The following ADAM23 variants were observed in gnomAD, a reference collection of about 807,000 sequenced individuals.
ADAM23 encodes the protein ADAM metallopeptidase domain 23.
A neutral mutation model predicts 120.1 loss-of-function variants in ADAM23; 33 were observed. The observed-to-expected ratio is 0.27, with a 90% CI of 0.21 to 0.37. The LOEUF is 0.37. ADAM23 is among the 10% of genes least tolerant of loss of function. The pLI, the probability that ADAM23 is intolerant of heterozygous loss-of-function variation, is 1.00. For synonymous variants in ADAM23, 367 were observed against 375.2 expected (o/e 0.98, Z 0.25); for missense variants, 862 against 1,058.2 (o/e 0.81, Z 2.57).
chr2:206,582,791 G>A (rs1574548026), intron 18 of ADAM23, among the ~76,000 whole-genome samples: 1 of 152,150 alleles, frequency 6.6e-6, no homozygotes, highest in South Asian at 2.1e-4. Flanking sequence ...GTCTGAAAAC[G>A]ATTGTATCTT....
chr2:206,616,634 AAGGGTATCC>A (rs2105869943), intron 25 of ADAM23, among the ~76,000 whole-genome samples: 1 of 152,140 alleles, frequency 6.6e-6, no homozygotes, highest in African/African-American at 2.4e-5. Flanking sequence ...TAGGGCCTGT[AAGGGTATCC>A]AGCTGGCCCT....
chr2:206,497,676 T>C (rs530861743), intron 3 of ADAM23, among the ~76,000 whole-genome samples: 1 of 152,204 alleles, frequency 6.6e-6, no homozygotes, highest in Admixed American at 6.5e-5. Flanking sequence ...GAGAAGGGAA[T>C]AAAGGGCATT....
At chr2:206,468,614 T>C (rs1695589861) in intron 2 of ADAM23, among the ~76,000 whole-genome samples, 1 of 152,154 alleles carries the variant, frequency 6.6e-6, no homozygotes, top group Non-Finnish European at 1.5e-5. Flanking sequence ...TTCCAAATGT[T>C]CCCCCATCTT....
intron 2 of ADAM23, among the ~76,000 whole-genome samples, chr2:206,475,843 A>G (rs146509542): frequency 8.6e-5 from 13 of 151,970 alleles, no homozygotes; most frequent in Non-Finnish European, 1.2e-4. Flanking sequence ...TGGAGTGGAA[A>G]CTCTTGAAGG....
intron 17 of ADAM23, among the ~76,000 whole-genome samples, chr2:206,572,131 G>A (rs1211659685): frequency 6.6e-6 from 1 of 152,130 alleles, no homozygotes; most frequent in Non-Finnish European, 1.5e-5. Context: ...GACAATTTCT[G>A]TGGTCTTTTT....
chr2:206,499,558 G>T (rs1574499375), intron 3 of ADAM23, among the ~76,000 whole-genome samples: 2 of 151,556 alleles, frequency 1.3e-5, no homozygotes, highest in East Asian at 3.9e-4. Context: ...GTTAATGGGT[G>T]CAGCAAACCA....
At chr2:206,562,020 A>C (rs149704639) in intron 12 of ADAM23, among the ~76,000 whole-genome samples, 183 bp from the exon 13 acceptor site, 5 of 152,322 alleles carry the variant, frequency 3.3e-5, no homozygotes, top group Non-Finnish European at 7.4e-5. Flanking sequence ...ACATAGTAAG[A>C]GGGGCTTTCT....
At chr2:206,456,547 A>G (rs1447702873) in intron 2 of ADAM23, among the ~76,000 whole-genome samples, 1 of 152,160 alleles carries the variant, frequency 6.6e-6, no homozygotes, top group Non-Finnish European at 1.5e-5. Context: ...TCAACATGAT[A>G]TTTGCATGCA....
intron 3 of ADAM23, among the ~76,000 whole-genome samples, chr2:206,506,568 C>T (rs1292868469): frequency 6.6e-6 from 1 of 152,178 alleles, no homozygotes; most frequent in Admixed American, 6.5e-5. Flanking sequence ...CCTAGGTTCC[C>T]ACTGTTTGGT....
At chr2:206,537,763 C>T (rs1194723426) in intron 4 of ADAM23, among the ~76,000 whole-genome samples, 1 of 152,020 alleles carries the variant, frequency 6.6e-6, no homozygotes, top group African/African-American at 2.4e-5. Context: ...CTTTTACTTG[C>T]GTGTACACTA....
chr2:206,444,300 C>A (rs1359140114), intron 1 of ADAM23, among the ~76,000 whole-genome samples: 3 of 152,332 alleles, frequency 2.0e-5, no homozygotes, highest in East Asian at 3.9e-4. Flanking sequence ...CATTCCAATT[C>A]TTGTTGGTTC....
chr2:206,482,707 G>A (rs563758497), intron 3 of ADAM23, among the ~76,000 whole-genome samples: 38 of 152,266 alleles, frequency 2.5e-4, no homozygotes, highest in African/African-American at 7.7e-4. Context: ...GTCTACTTGG[G>A]GGAAGGTTGA....
chr2:206,463,609 T>C (rs1485038904), intron 2 of ADAM23, among the ~76,000 whole-genome samples: 1 of 152,252 alleles, frequency 6.6e-6, no homozygotes, highest in Non-Finnish European at 1.5e-5. Context: ...AGTGCTGCTA[T>C]GTCCCAATGT....
intron 2 of ADAM23, among the ~76,000 whole-genome samples, chr2:206,453,098 G>T (rs1263438096): frequency 6.6e-6 from 1 of 152,188 alleles, no homozygotes; most frequent in Non-Finnish European, 1.5e-5. Context: ...GAGAAGAACT[G>T]CTGCTTTCCT....
At chr2:206,518,092 T>C (rs1412804899) in intron 3 of ADAM23, among the ~76,000 whole-genome samples, 1 of 152,198 alleles carries the variant, frequency 6.6e-6, no homozygotes, top group Non-Finnish European at 1.5e-5. Context: ...GTTGTCTGGC[T>C]GCAGGAAAAA....
At chr2:206,541,277 T>A (rs1697285743) in intron 4 of ADAM23, among the ~76,000 whole-genome samples, 1 of 152,010 alleles carries the variant, frequency 6.6e-6, no homozygotes, top group Admixed American at 6.6e-5. Flanking sequence ...AATACAATAA[T>A]TATAGTGGCA....
chr2:206,569,755 A>G (rs919725199), intron 15 of ADAM23, among the ~76,000 whole-genome samples: 1 of 152,134 alleles, frequency 6.6e-6, no homozygotes, highest in African/African-American at 2.4e-5. Flanking sequence ...GGGGAGTCCC[A>G]CCCAAGTAGC....
intron 2 of ADAM23, among the ~76,000 whole-genome samples, chr2:206,449,631 G>A (rs992634250): frequency 3.3e-5 from 5 of 152,188 alleles, no homozygotes; most frequent in Non-Finnish European, 4.4e-5. Flanking sequence ...TTAGCCGGGC[G>A]CAGTGGTGCG....
intron 25 of ADAM23, among the ~76,000 whole-genome samples, chr2:206,615,271 T>C (rs1424204495): frequency 1.3e-5 from 2 of 152,180 alleles, no homozygotes; most frequent in Non-Finnish European, 2.9e-5. Context: ...TTATGGATTA[T>C]GCTAGTGTTT....
Sources: gnomAD v4.1 joint callset for allele counts (sites outside exome capture counted in the v4.1 genomes callset) on GRCh38, gnomAD v4.1.1 for gene constraint, MANE v1.5 for transcripts, NCBI Gene and HGNC (gene_info 2026-07-23, HGNC 2026-07-21) for gene names.